The following UGT1A5 variants were observed in gnomAD, a reference collection of about 807,000 sequenced individuals.
UGT1A5 encodes UDP glucuronosyltransferase family 1 member A5.
UGT1A5 carries 29 observed loss-of-function variants against 40.3 expected under a neutral mutation model. The ratio of observed to expected loss-of-function variants is 0.72; its 90% CI spans 0.54 to 0.98. The LOEUF (loss-of-function observed/expected upper bound fraction) is 0.98. UGT1A5 is among the 50% of genes least tolerant of loss of function. The pLI, the probability that UGT1A5 is intolerant of heterozygous loss-of-function variation, is 0.00. For synonymous variants in UGT1A5, 257 were observed against 262.5 expected (o/e 0.98, Z 0.20); for missense variants, 678 against 677.9 (o/e 1.00, Z 0.00).
At position 233,769,343 on chromosome 2, in the gene UGT1A5, T is replaced by C. The variant is rs950579425; in HGVS notation, c.1307+904T>C. On this transcript the variant is annotated intron_variant, in intron 4 of 4. Coordinates refer to ENST00000373414, the MANE Select transcript of UGT1A5 (RefSeq NM_019078.2). The surrounding 1 kb of genome is among the most constrained non-coding windows in gnomAD (Gnocchi z 4.4). ...TGGTAATAGGCTTATTAGAACCTTA[T>C]GGGAAGAAGTGGTGGCCAGTGGTAG... Among the ~76,000 whole-genome samples the C allele has an allele frequency of 6.6e-6, 1 of 152,250 alleles. No individual in the cohort carries two copies. The highest frequency in any genetic ancestry group is 2.4e-5 in the African/African-American group (1 of 41,464).
chr2:233,746,667 C>A (rs4663969), intron 1 of UGT1A5, among the ~76,000 whole-genome samples: 68,357 of 151,262 alleles, frequency 0.45, 16,045 homozygotes, highest in South Asian at 0.58. Context: ...GAGTTCCTAG[C>A]ATAGTAGGTA....
At chr2:233,735,244 A>C (rs1308474685) in intron 1 of UGT1A5, among the ~76,000 whole-genome samples, 1 of 152,060 alleles carries the variant, frequency 6.6e-6, no homozygotes, top group African/African-American at 2.4e-5. Context: ...CTTGTTGTTG[A>C]ATTGCTCCCT....
intron 1 of UGT1A5, among the ~76,000 whole-genome samples, chr2:233,721,052 T>G (rs1374543797): frequency 6.6e-6 from 1 of 151,950 alleles, no homozygotes; most frequent in Non-Finnish European, 1.5e-5. Context: ...CCCTTTTTTG[T>G]CATATTCACT....
chr2:233,751,532 C>A (rs1375355946), intron 1 of UGT1A5, among the ~76,000 whole-genome samples: 5 of 152,214 alleles, frequency 3.3e-5, no homozygotes, highest in Admixed American at 6.5e-5. Context: ...TATGGTTTGA[C>A]TCTGTGTTTC....
chr2:233,762,228 C>T (rs1312160230), intron 1 of UGT1A5, among the ~76,000 whole-genome samples: 1 of 152,108 alleles, frequency 6.6e-6, no homozygotes, highest in Admixed American at 6.5e-5. Flanking sequence ...AATCTCAGCA[C>T]CTAAGGCACA....
chr2:233,769,731 T>C lies in UGT1A5; in HGVS notation c.1307+1292T>C. ...TTGGCTAGGCACCATGGCACACGCC[T>C]GTAGTCCCAGCCACTCTGGAGGCTA... On this transcript the variant is annotated intron_variant, in intron 4 of 4. Coordinates refer to ENST00000373414, the MANE Select transcript of UGT1A5 (RefSeq NM_019078.2). The surrounding 1 kb of genome is among the most constrained non-coding windows in gnomAD (Gnocchi z 4.4). The C allele has an allele frequency of 6.8e-7, 1 of 1,467,200 alleles. No individual in the cohort carries two copies. Among genetic ancestry groups the C allele is most frequent in the Non-Finnish European group, 9.0e-7 (1 of 1,108,292 alleles). 90.9% of individuals were successfully genotyped at this position (1,467,200 alleles called of 1,614,324 possible). A position where few individuals can be genotyped will look rare whatever the true frequency, so the allele number is the denominator to read the frequency against.
intron 1 of UGT1A5, chr2:233,747,494 G>A (rs1693698047): frequency 1.2e-6 from 2 of 1,608,660 alleles, no homozygotes; most frequent in Non-Finnish European, 1.7e-6. Flanking sequence ...GCCTTGTGCT[G>A]GGCCACACTC....
chr2:233,713,639 C>A lies in UGT1A5; in HGVS notation c.648C>A (p.Tyr216Ter), dbSNP rs772966162. The change falls in exon 1 of 5, where the codon TAC becomes TAA. Residue 216 changes from tyrosine (Y) to a stop codon, truncating the protein, a stop_gained. Coordinates refer to ENST00000373414, the MANE Select transcript of UGT1A5 (RefSeq NM_019078.2). LOFTEE classifies it high-confidence loss of function. ...TGCAAAGGGTCAAGAACATGCTCTA[C>A]CCTCTGGCCCTGTCCTACCTTTGCC... ...TFLQRVKNML[Y>*]PLALSYLCHA... The A allele has an allele frequency of 1.2e-6, 2 of 1,613,978 alleles. No homozygotes were observed. The highest frequency in any genetic ancestry group is 2.7e-5 in the African/African-American group (2 of 75,052).
At chr2:233,740,014 A>G (rs1487860646) in intron 1 of UGT1A5, among the ~76,000 whole-genome samples, 4 of 151,772 alleles carry the variant, frequency 2.6e-5, no homozygotes, top group South Asian at 2.1e-4. Flanking sequence ...GTGAGTTCTC[A>G]TGAGAGCTGA....
At chr2:233,729,668 A>C (rs1346265450) in intron 1 of UGT1A5, 12 of 1,613,764 alleles carry the variant, frequency 7.4e-6, no homozygotes, top group Non-Finnish European at 1.0e-5. Context: ...TGTGATTTAG[A>C]CTTTAAGGGC....
chr2:233,752,600 T>C (rs1023436245), intron 1 of UGT1A5: 2 of 152,076 alleles, frequency 1.3e-5, no homozygotes, highest in African/African-American at 4.8e-5. Flanking sequence ...AGATTTTTTT[T>C]AAAAAAACAT....
At chr2:233,718,756 G>A (rs994719163) in intron 1 of UGT1A5, 95 of 1,612,444 alleles carry the variant, frequency 5.9e-5, no homozygotes, top group East Asian at 2.9e-4. Context: ...TAATTAAGGC[G>A]AAGGAAACAA....
rs879478240 is a variant in UGT1A5, at chr2:233,725,179, G to GAGAGGC, written c.867+11357_867+11362dup. On this transcript the variant is annotated intron_variant, in intron 1 of 4. Coordinates refer to ENST00000373414, the MANE Select transcript of UGT1A5 (RefSeq NM_019078.2). ...CTCTGCATGAGAGGGAGACCGTGGGGAGAGGCAGAGGCAGAGGCAGAGGCA... is the reference window on the plus strand; with the variant it reads ...CTCTGCATGAGAGGGAGACCGTGGGGAGAGGCAGAGGCAGAGGCAGAGGCAGAGGCA... Among the ~76,000 whole-genome samples the GAGAGGC allele has an allele frequency of 9.9e-4, 67 of 67,614 alleles. 14 individuals carry two copies. The highest frequency in any genetic ancestry group is 3.6e-3 in the East Asian group (12 of 3,306). 44.4% of individuals were successfully genotyped at this position (67,614 alleles called of 152,430 possible). A position where few individuals can be genotyped will look rare whatever the true frequency, so the allele number is the denominator to read the frequency against.
chr2:233,729,869 T>C (rs1226699407), intron 1 of UGT1A5: 4 of 1,613,726 alleles, frequency 2.5e-6, no homozygotes, highest in East Asian at 4.5e-5. Context: ...GTGGTGGATA[T>C]TCTCAGTCAT....
chr2:233,769,591 A>G lies in UGT1A5; in HGVS notation c.1307+1152A>G. ...CTGGAGCATGTTCAGATGAGAGGAGACGGAACACGGGGACACACCAGCTTG... is the reference window on the plus strand; with the variant it reads ...CTGGAGCATGTTCAGATGAGAGGAGGCGGAACACGGGGACACACCAGCTTG... On this transcript the variant is annotated intron_variant, in intron 4 of 4. Transcript: ENST00000373414. The surrounding 1 kb of genome is among the most constrained non-coding windows in gnomAD (Gnocchi z 4.4). The G allele has an allele frequency of 6.2e-7, 1 of 1,612,772 alleles. No individual in the cohort carries two copies. The highest frequency in any genetic ancestry group is 8.5e-7 in the Non-Finnish European group (1 of 1,179,866).
intron 1 of UGT1A5, chr2:233,756,309 C>A (rs1335647268): frequency 7.9e-5 from 12 of 152,226 alleles, no homozygotes; most frequent in Non-Finnish European, 1.6e-4. Context: ...ATAACCTACC[C>A]ATATCCTCCT....
chr2:233,719,330 G>A, intron 1 of UGT1A5: 2 of 1,613,866 alleles, frequency 1.2e-6, no homozygotes, highest in Middle Eastern at 1.7e-4. Context: ...TTCCTGCTGT[G>A]TTTTTTTGGA....
intron 1 of UGT1A5, among the ~76,000 whole-genome samples, chr2:233,727,242 A>C (rs2077595836): frequency 6.6e-6 from 1 of 152,070 alleles, no homozygotes. Flanking sequence ...CTCCAAGTCT[A>C]TCTGTGCAGC....
intron 1 of UGT1A5, among the ~76,000 whole-genome samples, chr2:233,737,428 G>A (rs188444988): frequency 6.6e-6 from 1 of 152,348 alleles, no homozygotes; most frequent in African/African-American, 2.4e-5. Context: ...CAGTATTTGG[G>A]TGGGAGTGTC....
Sources: gnomAD v4.1 joint callset for allele counts (sites outside exome capture counted in the v4.1 genomes callset) on GRCh38, gnomAD v4.1.1 for gene constraint, Gnocchi (gnomAD v3.1) non-coding constraint, MANE v1.5 for transcripts, NCBI Gene and HGNC (gene_info 2026-07-23, HGNC 2026-07-21) for gene names.